Variants in FYB1 observed in about 807,000 individuals in gnomAD.
FYB1 encodes FYN binding protein 1.
FYB1 carries 41 observed loss-of-function variants against 94.1 expected under a neutral mutation model. The observed-to-expected ratio is 0.44, with a 90% confidence interval of 0.34 to 0.57. The LOEUF is 0.57. Ranked by LOEUF, FYB1 falls within the 20% of genes least tolerant of loss-of-function variation. FYB1 has a pLI of 0.02. For synonymous variants in FYB1, 367 were observed against 353.2 expected, an observed-to-expected ratio of 1.04 and a Z score of -0.44; for missense variants, 1,050 against 976.8, an observed-to-expected ratio of 1.07 and a Z score of -1.00.
intron 2 of FYB1, among the ~76,000 whole-genome samples, chr5:39,155,760 A>T (rs528474611): frequency 6.6e-6 from 1 of 152,224 alleles, no homozygotes; most frequent in Admixed American, 6.5e-5. Flanking sequence ...TGTGAGATAG[A>T]GATTTAATTT....
At chr5:39,152,571 A>G (rs1743337417) in intron 3 of FYB1, among the ~76,000 whole-genome samples, 1 of 152,222 alleles carries the variant, frequency 6.6e-6, no homozygotes, top group African/African-American at 2.4e-5. Context: ...TATCTAGTCC[A>G]TTTTGTCTTA....
rs751564528 is a variant in FYB1, at chr5:39,202,485, G to A, written c.476C>T (p.Pro159Leu). 8 of 1,613,988 alleles carry A rather than the reference G, an allele frequency of 5.0e-6. 1 individual carries two copies. In the South Asian group the frequency reaches 7.7e-5, roughly 16 times the overall value. The part of the protein sequence containing the change: ...KPLGPKSGPT[P>L]PTSENEQKQA... ...CTTCTGTTCATTTTCTGAGGTTGGAGGAGTAGGCCCAGATTTCGGGCCTAG... is the reference window on the plus strand; with the variant it reads ...CTTCTGTTCATTTTCTGAGGTTGGAAGAGTAGGCCCAGATTTCGGGCCTAG... The change falls in exon 2 of 19, where the codon CCT (proline) becomes CTT (leucine). Residue 159 changes from proline (P) to leucine (L), a missense_variant. Physicochemically the swap from Pro to Leu is moderately conservative, Grantham distance 98. Coordinates refer to ENST00000512982, the MANE Select transcript of FYB1 (RefSeq NM_001465.6).
chr5:39,189,252 T>A (rs1392558689), intron 2 of FYB1, among the ~76,000 whole-genome samples: 16 of 150,488 alleles, frequency 1.1e-4, no homozygotes, highest in Non-Finnish European at 2.1e-4. Context: ...TTTTTTTTTT[T>A]AGGATCTCTG....
At chr5:39,165,401 A>C (rs1464572039) in intron 2 of FYB1, among the ~76,000 whole-genome samples, 2 of 151,680 alleles carry the variant, frequency 1.3e-5, no homozygotes, top group African/African-American at 4.9e-5. Context: ...ATGATACTCT[A>C]TTCAATAAAT....
chr5:39,232,113 A>G (rs914494901), intron 1 of FYB1, among the ~76,000 whole-genome samples: 1 of 152,124 alleles, frequency 6.6e-6, no homozygotes, highest in Non-Finnish European at 1.5e-5. Context: ...ACCAAAGATA[A>G]GAGTGGCTGA....
At chr5:39,127,131 T>A (rs1209524398) in intron 11 of FYB1, among the ~76,000 whole-genome samples, 2 of 150,954 alleles carry the variant, frequency 1.3e-5, no homozygotes. Flanking sequence ...AAAAGAAAAT[T>A]TATTTTCTTA....
chr5:39,244,100 G>A (rs929292399), intron 1 of FYB1, among the ~76,000 whole-genome samples: 5 of 152,102 alleles, frequency 3.3e-5, no homozygotes, highest in African/African-American at 1.2e-4. Context: ...GGGACAATTT[G>A]AGTTCCTCTT....
At chr5:39,126,334 G>C (rs2150298210) in intron 11 of FYB1, among the ~76,000 whole-genome samples, 199 bp from the exon 12 acceptor site, 1 of 117,352 alleles carries the variant, frequency 8.5e-6, no homozygotes, top group South Asian at 2.3e-4. Context: ...CTACGAACCT[G>C]ATCATTTTTT....
At chr5:39,236,013 A>G (rs1677446) in intron 1 of FYB1, among the ~76,000 whole-genome samples, 24,428 of 151,920 alleles carry the variant, frequency 0.16, 5,220 homozygotes, top group African/African-American at 0.47. Context: ...AAACAGCCAC[A>G]TGTGGCTTGT....
At chr5:39,120,223 A>ATT (rs924251944) in intron 14 of FYB1, among the ~76,000 whole-genome samples, 6 of 138,882 alleles carry the variant, frequency 4.3e-5, no homozygotes, top group African/African-American at 1.7e-4. Context: ...CCCTTTATCA[A>ATT]TTGTGTGTGT....
chr5:39,116,827 G>A (rs747246502), intron 16 of FYB1, among the ~76,000 whole-genome samples: 21 of 117,378 alleles, frequency 1.8e-4, no homozygotes, highest in Admixed American at 1.9e-4. Context: ...ATAAATGTAA[G>A]GTGGAAAAAA....
At chr5:39,196,093 G>A (rs550278355) in intron 2 of FYB1, among the ~76,000 whole-genome samples, 1 of 152,082 alleles carries the variant, frequency 6.6e-6, no homozygotes, top group African/African-American at 2.4e-5. Context: ...TTGAGTACAA[G>A]TCTACTGGCA....
At chr5:39,219,180 G>A (rs1490229448) in intron 1 of FYB1, among the ~76,000 whole-genome samples, 1 of 152,182 alleles carries the variant, frequency 6.6e-6, no homozygotes, top group Non-Finnish European at 1.5e-5. Flanking sequence ...GAACACATGA[G>A]AGGCCTTATC....
chr5:39,204,066 T>G (rs1748618753), intron 1 of FYB1, among the ~76,000 whole-genome samples: 1 of 152,188 alleles, frequency 6.6e-6, no homozygotes, highest in Non-Finnish European at 1.5e-5. Flanking sequence ...TAACATGCTT[T>G]CCTACCTCTC....
chr5:39,154,132 C>A (rs75389446), intron 2 of FYB1, among the ~76,000 whole-genome samples: 1 of 152,054 alleles, frequency 6.6e-6, no homozygotes, highest in Non-Finnish European at 1.5e-5. Flanking sequence ...TATGTATATA[C>A]GCATAACACA....
intron 2 of FYB1, among the ~76,000 whole-genome samples, chr5:39,201,503 T>C (rs1748308736): frequency 6.6e-6 from 1 of 152,174 alleles, no homozygotes; most frequent in African/African-American, 2.4e-5. Flanking sequence ...CTCAGTCTCA[T>C]TCAACAGAAA....
chr5:39,233,415 G>A (rs571081550), intron 1 of FYB1, among the ~76,000 whole-genome samples: 1 of 152,146 alleles, frequency 6.6e-6, no homozygotes, highest in Admixed American at 6.5e-5. Flanking sequence ...TTTTATATTT[G>A]TACTCACCAT....
At chr5:39,263,732 C>A (rs1752319771) in intron 1 of FYB1, among the ~76,000 whole-genome samples, 1 of 152,124 alleles carries the variant, frequency 6.6e-6, no homozygotes, top group Non-Finnish European at 1.5e-5. Flanking sequence ...TCTGTACTTA[C>A]TTTCTAACTT....
At chr5:39,194,889 T>C (rs1161911604) in intron 2 of FYB1, among the ~76,000 whole-genome samples, 1 of 152,092 alleles carries the variant, frequency 6.6e-6, no homozygotes. Context: ...CAACTGCTTT[T>C]TCAGGGATTA....
Sources: gnomAD v4.1 joint callset for allele counts (sites outside exome capture counted in the v4.1 genomes callset) on GRCh38, gnomAD v4.1.1 for gene constraint, MANE v1.5 for transcripts, NCBI Gene and HGNC (gene_info 2026-07-23, HGNC 2026-07-21) for gene names.